Variants in SERINC1 observed in about 807,000 individuals in gnomAD.
The protein encoded by SERINC1 is tumor differentially expressed protein 2.
A neutral mutation model predicts 52.9 loss-of-function variants in SERINC1; 38 were observed. The observed-to-expected ratio is 0.72, with a 90% CI of 0.55 to 0.94. The LOEUF (loss-of-function observed/expected upper bound fraction) is 0.94. Ranked by LOEUF, SERINC1 falls within the 40% of genes least tolerant of loss-of-function variation. SERINC1 has a pLI of 0.00. For synonymous variants in SERINC1, 198 were observed against 183.1 expected (o/e 1.08, Z -0.66); for missense variants, 471 against 533.9 (o/e 0.88, Z 1.16).
chr6:122,451,758 C>CAAAAAAAAA lies in SERINC1; in HGVS notation c.760-13_760-5dup, dbSNP rs750920534. The CAAAAAAAAA allele has an allele frequency of 7.1e-4, 63 of 88,542 alleles. 2 individuals carry two copies. The highest frequency in any genetic ancestry group is 1.9e-3 in the African/African-American group (17 of 8,958). 5.5% of individuals were successfully genotyped at this position (88,542 alleles called of 1,614,324 possible). On this transcript the variant is annotated splice_region_variant and splice_polypyrimidine_tract_variant and intron_variant, in intron 6 of 9. Coordinates refer to ENST00000339697, the MANE Select transcript of SERINC1 (RefSeq NM_020755.4). ...AACCAGATCTTGGTTGTGATTCCTA[C>CAAAAAAAAA]AAAAAAAAAAAAAAAAAAATATATA...
chr6:122,458,498 A>G, intron 2 of SERINC1, 22 bp downstream of exon 2: 7 of 1,581,722 alleles, frequency 4.4e-6, no homozygotes, highest in Non-Finnish European at 4.3e-6. Context: ...CAGTTAATCA[A>G]TAAATAAGAA....
At chr6:122,451,585 T>C in intron 7 of SERINC1, 79 bp downstream of exon 7, 2 of 537,312 alleles carry the variant, frequency 3.7e-6, no homozygotes, top group South Asian at 2.1e-5. Context: ...TTTAAGTAAT[T>C]TAATCTCACA....
At chr6:122,463,410 T>A (rs1266884124) in intron 1 of SERINC1, among the ~76,000 whole-genome samples, 5 of 152,006 alleles carry the variant, frequency 3.3e-5, no homozygotes, top group Admixed American at 6.5e-5. Context: ...CTGCTGAGAA[T>A]GAAAAAGCAA....
At chr6:122,454,548 A>T in intron 3 of SERINC1, 1 of 260,570 alleles carries the variant, frequency 3.8e-6, no homozygotes, top group Non-Finnish European at 7.8e-6. Context: ...ATGTGAAAGG[A>T]ATGGATTAAA....
chr6:122,459,680 A>G (rs9401544), intron 1 of SERINC1, among the ~76,000 whole-genome samples: 3 of 152,172 alleles, frequency 2.0e-5, no homozygotes, highest in Non-Finnish European at 2.9e-5. Flanking sequence ...TCCAGTAAGA[A>G]AAGGAAATCC....
chr6:122,471,633 C>A, intron 1 of SERINC1, 66 bp downstream of exon 1: 1 of 1,606,218 alleles, frequency 6.2e-7, no homozygotes, highest in Non-Finnish European at 8.5e-7. Flanking sequence ...CACCCAGCCC[C>A]GGCTCGGATC....
chr6:122,451,773 AAAAAT>A lies in SERINC1; in HGVS notation c.760-24_760-20del, dbSNP rs1774908743. 14 of 299,278 alleles carry A rather than the reference AAAAAT, an allele frequency of 4.7e-5. No individual in the cohort carries two copies. In the East Asian group the frequency reaches 1.5e-3, roughly 33 times the overall value. The allele number at this position is 299,278 out of a possible 1,614,324, so 18.5% of individuals were successfully genotyped here. On this transcript the variant is annotated intron_variant, in intron 6 of 9. Coordinates refer to ENST00000339697, the MANE Select transcript of SERINC1 (RefSeq NM_020755.4). ...GTGATTCCTACAAAAAAAAAAAAAA[AAAAAT>A]ATATATATATATATATAGCAACACA...
At position 122,458,511 on chromosome 6, in the gene SERINC1, G is replaced by A. The variant is rs771367705; in HGVS notation, c.201+9C>T. On this transcript the variant is annotated intron_variant, in intron 2 of 9. Coordinates refer to ENST00000339697, the MANE Select transcript of SERINC1 (RefSeq NM_020755.4). ...CTCAGTTAATCAATAAATAAGAAAC[G>A]AGACTAACCTTATTCAGTTGTTCTT... 98 of 1,602,890 alleles carry A rather than the reference G, an allele frequency of 6.1e-5. 1 individual carries two copies. The highest frequency in any genetic ancestry group is 7.7e-5 in the Non-Finnish European group (90 of 1,171,830).
chr6:122,469,025 G>A (rs1464028706), intron 1 of SERINC1, among the ~76,000 whole-genome samples: 2 of 152,036 alleles, frequency 1.3e-5, no homozygotes, highest in Non-Finnish European at 2.9e-5. Context: ...TGTTTATAAT[G>A]TTTAAAGTAA....
Position 122,443,638 on chromosome 6 carries a change from T to C in SERINC1, c.*1406A>G, listed in dbSNP as rs887069372. The C allele has an allele frequency of 1.3e-5, 2 of 152,336 alleles. No individual in the cohort carries two copies. The highest frequency in any genetic ancestry group is 4.1e-4 in the South Asian group (2 of 4,830). The allele number at this position is 152,336 out of a possible 1,614,324, so 9.4% of individuals were successfully genotyped here. ...AATACAAAAGCATTTTAAACATCTTTTGAACTGTGTAGTATACTATAAGCA... is the reference window on the plus strand; with the variant it reads ...AATACAAAAGCATTTTAAACATCTTCTGAACTGTGTAGTATACTATAAGCA... On this transcript the variant is annotated 3_prime_UTR_variant, in exon 10 of 10. Coordinates refer to ENST00000339697, the MANE Select transcript of SERINC1 (RefSeq NM_020755.4).
chr6:122,452,363 A>T (rs1243873908), intron 5 of SERINC1, among the ~76,000 whole-genome samples: 1 of 152,184 alleles, frequency 6.6e-6, no homozygotes, highest in African/African-American at 2.4e-5. Context: ...CATGTTAGCC[A>T]TTATTTTCAA....
intron 9 of SERINC1, 142 bp downstream of exon 9, chr6:122,446,632 C>A: frequency 1.6e-6 from 1 of 610,416 alleles, no homozygotes; most frequent in Non-Finnish European, 2.9e-6. Flanking sequence ...ATTTCTCATG[C>A]TGATCTCACT....
Position 122,444,837 on chromosome 6 carries a change from A to C in SERINC1, c.*207T>G, listed in dbSNP as rs562452890. On this transcript the variant is annotated 3_prime_UTR_variant, in exon 10 of 10. Transcript: ENST00000339697. Reference sequence around the variant, plus strand: ...TTTACTAACTCATCACCATATTCATAAAACTTTCCTCTGCAATTCATTCTA... The same window carrying C: ...TTTACTAACTCATCACCATATTCATCAAACTTTCCTCTGCAATTCATTCTA... 19 of 547,660 alleles carry C rather than the reference A, an allele frequency of 3.5e-5. No homozygotes were observed. The highest frequency in any genetic ancestry group is 3.1e-4 in the African/African-American group (16 of 52,362). 33.9% of individuals were successfully genotyped at this position (547,660 alleles called of 1,614,324 possible). A position where few individuals can be genotyped will look rare whatever the true frequency, so the allele number is the denominator to read the frequency against.
In SERINC1 at chr6:122,448,106, C is replaced by CAA. The variant is rs879702470; in HGVS notation, c.851-843_851-842dup. 4.6e-4 allele frequency among the ~76,000 whole-genome samples: 30 copies of CAA among 65,218 alleles called. No homozygotes were observed. In the South Asian group the frequency reaches 5.2e-3, roughly 11 times the overall value. 42.8% of individuals were successfully genotyped at this position (65,218 alleles called of 152,430 possible). A position where few individuals can be genotyped will look rare whatever the true frequency, so the allele number is the denominator to read the frequency against. On this transcript the variant is annotated intron_variant, in intron 7 of 9. Coordinates refer to ENST00000339697, the MANE Select transcript of SERINC1 (RefSeq NM_020755.4). The stretch of plus-strand genomic sequence containing the variant: ...CTAACGACAGAGCGAGACTCTGTCT[C>CAA]AAAAAAAAAAAAAAAAAGTAGGATT...
Position 122,454,243 on chromosome 6 carries a change from GA to G in SERINC1, c.372-14del. 7.1e-7 allele frequency: 1 copy of G among 1,408,424 alleles called. No individual in the cohort carries two copies. Among genetic ancestry groups the G allele is most frequent in the Non-Finnish European group, 9.8e-7 (1 of 1,020,752 alleles). 87.2% of individuals were successfully genotyped at this position (1,408,424 alleles called of 1,614,324 possible). ...AAAGAACCAAAATCTAAAACAAAAA[GA>G]AATATAATTTTTTATTAATAGACAT... On this transcript the variant is annotated splice_polypyrimidine_tract_variant and intron_variant, in intron 3 of 9. Coordinates refer to ENST00000339697, the MANE Select transcript of SERINC1 (RefSeq NM_020755.4).
chr6:122,450,892 C>A (rs1267947), intron 7 of SERINC1, among the ~76,000 whole-genome samples: 82,844 of 151,908 alleles, frequency 0.55, 22,838 homozygotes, highest in South Asian at 0.68. Flanking sequence ...TATGGATGAA[C>A]AAAGTAGTTT....
At chr6:122,466,718 T>C (rs903628471) in intron 1 of SERINC1, among the ~76,000 whole-genome samples, 2 of 151,834 alleles carry the variant, frequency 1.3e-5, no homozygotes, top group African/African-American at 4.8e-5. Context: ...CTGAAAACAA[T>C]CAAGGAAATT....
In SERINC1 at chr6:122,444,827, C is replaced by A; in HGVS notation, c.*217G>T. The A allele has an allele frequency of 1.9e-6, 1 of 523,614 alleles. No individual in the cohort carries two copies. Among genetic ancestry groups the A allele is most frequent in the Non-Finnish European group, 3.4e-6 (1 of 298,018 alleles). 32.4% of individuals were successfully genotyped at this position (523,614 alleles called of 1,614,324 possible). On this transcript the variant is annotated 3_prime_UTR_variant, in exon 10 of 10. Coordinates refer to ENST00000339697, the MANE Select transcript of SERINC1 (RefSeq NM_020755.4). ...AATGGCCACTTTTACTAACTCATCA[C>A]CATATTCATAAAACTTTCCTCTGCA...
chr6:122,463,468 G>A (rs1051502363), intron 1 of SERINC1, among the ~76,000 whole-genome samples: 4 of 151,962 alleles, frequency 2.6e-5, no homozygotes, highest in African/African-American at 4.8e-5. Flanking sequence ...ATAAATCATC[G>A]GCATCCAGAA....
Sources: allele counts gnomAD v4.1 joint callset (sites outside exome capture counted in the v4.1 genomes callset), GRCh38; gene constraint gnomAD v4.1.1; transcripts MANE v1.5; gene names NCBI Gene and HGNC (gene_info 2026-07-23, HGNC 2026-07-21).